Variants in LCLAT1 observed in about 807,000 individuals in gnomAD.
LCLAT1 encodes 1-AGP acyltransferase 8.
Under a neutral mutation model 30.7 loss-of-function variants are expected in LCLAT1, and 11 were observed. The observed-to-expected ratio is 0.36, with a 90% CI of 0.23 to 0.59. LCLAT1 has a LOEUF of 0.59. Ranked by LOEUF, LCLAT1 falls within the 20% of genes least tolerant of loss-of-function variation. The pLI, the probability that LCLAT1 is intolerant of heterozygous loss-of-function variation, is 0.77. For synonymous variants in LCLAT1, 155 were observed against 151.3 expected, an observed-to-expected ratio of 1.02 and a Z score of -0.18; for missense variants, 402 against 458.6, an observed-to-expected ratio of 0.88 and a Z score of 1.13.
At chr2:30,448,593 T>C (rs1039359289) in intron 1 of LCLAT1, among the ~76,000 whole-genome samples, 7 of 152,230 alleles carry the variant, frequency 4.6e-5, no homozygotes, top group African/African-American at 9.6e-5. Context: ...TATGTGTCAG[T>C]TTCTGTGAAA....
intron 5 of LCLAT1, among the ~76,000 whole-genome samples, chr2:30,599,814 C>T (rs1157354064): frequency 6.6e-6 from 1 of 152,150 alleles, no homozygotes; most frequent in Non-Finnish European, 1.5e-5. Flanking sequence ...TTTCCTCCAT[C>T]CCTTTATTTT....
chr2:30,495,459 A>G (rs1463879993), intron 1 of LCLAT1, among the ~76,000 whole-genome samples: 1 of 152,202 alleles, frequency 6.6e-6, no homozygotes, highest in Non-Finnish European at 1.5e-5. Flanking sequence ...AAATGAATCA[A>G]TATAGTAATA....
chr2:30,494,200 G>A (rs1683982796), intron 1 of LCLAT1, among the ~76,000 whole-genome samples: 2 of 152,146 alleles, frequency 1.3e-5, no homozygotes, highest in South Asian at 4.1e-4. Context: ...TCCAGCCTGG[G>A]CGACAGAGTG....
At chr2:30,566,609 A>G (rs1409371891) in intron 4 of LCLAT1, among the ~76,000 whole-genome samples, 1 of 152,192 alleles carries the variant, frequency 6.6e-6, no homozygotes, top group African/African-American at 2.4e-5. Flanking sequence ...TACTCCTAGT[A>G]AAGTTGTGTC....
intron 1 of LCLAT1, among the ~76,000 whole-genome samples, chr2:30,490,553 A>G (rs1683790885): frequency 6.6e-6 from 1 of 152,092 alleles, no homozygotes. Context: ...CAAAAAAGGA[A>G]ATTTTCCTGG....
intron 5 of LCLAT1, among the ~76,000 whole-genome samples, chr2:30,598,413 TC>T (rs1667027180): frequency 6.8e-6 from 1 of 146,354 alleles, no homozygotes. Context: ...TTCTAGATTT[TC>T]TTTTTTTTTT....
chr2:30,498,180 G>T (rs2148337645), intron 1 of LCLAT1, among the ~76,000 whole-genome samples: 1 of 152,332 alleles, frequency 6.6e-6, no homozygotes, highest in Admixed American at 6.5e-5. Flanking sequence ...AGGGTTGCCA[G>T]CTATGAGGCT....
chr2:30,552,096 A>G (rs1664706368), intron 3 of LCLAT1, among the ~76,000 whole-genome samples: 1 of 152,236 alleles, frequency 6.6e-6, no homozygotes, highest in African/African-American at 2.4e-5. Context: ...GTCTTTGATT[A>G]TAGGTCCTCT....
intron 5 of LCLAT1, among the ~76,000 whole-genome samples, chr2:30,603,981 A>G (rs572314362): frequency 6.6e-6 from 1 of 152,334 alleles, no homozygotes; most frequent in Non-Finnish European, 1.5e-5. Flanking sequence ...TGTAATTGCT[A>G]CTACATAATT....
intron 1 of LCLAT1, among the ~76,000 whole-genome samples, chr2:30,525,174 G>A (rs1354814757): frequency 2.6e-5 from 4 of 151,898 alleles, no homozygotes; most frequent in African/African-American, 4.8e-5. Context: ...GTGCGATCTT[G>A]GCTCACTGTA....
intron 1 of LCLAT1, among the ~76,000 whole-genome samples, chr2:30,507,675 G>T (rs1684736628): frequency 1.3e-5 from 2 of 152,268 alleles, no homozygotes; most frequent in Non-Finnish European, 2.9e-5. Context: ...GTATTCCCTG[G>T]TGTATTTGTA....
At chr2:30,474,756 C>G (rs1479586610) in intron 1 of LCLAT1, among the ~76,000 whole-genome samples, 1 of 147,700 alleles carries the variant, frequency 6.8e-6, no homozygotes, top group Non-Finnish European at 1.5e-5. Flanking sequence ...TCAAGTGATC[C>G]TCCTGGCACA....
intron 5 of LCLAT1, among the ~76,000 whole-genome samples, chr2:30,571,952 G>A (rs1267800298): frequency 6.6e-6 from 1 of 152,168 alleles, no homozygotes; most frequent in Non-Finnish European, 1.5e-5. Flanking sequence ...ACCTAAATGA[G>A]ATTTGTACAC....
chr2:30,482,166 G>C (rs1683353102), intron 1 of LCLAT1, among the ~76,000 whole-genome samples: 1 of 152,188 alleles, frequency 6.6e-6, no homozygotes, highest in South Asian at 2.1e-4. Context: ...ACAGTGTTCA[G>C]TAAGACAGAC....
Position 30,640,242 on chromosome 2 carries a change from A to G in LCLAT1, c.754A>G (p.Ile252Val), listed in dbSNP as rs12471868. Residue 252 changes from isoleucine to valine, a missense_variant, in exon 6 of 6, where the codon ATA becomes GTA. By Grantham distance (29) the Ile-to-Val change is conservative. Transcript: ENST00000379509. ...EIHFHVHRYP[I>V]DTLPTSKEDL... ...CCACTTTCACGTCCACCGGTATCCA[A>G]TAGACACCCTCCCCACATCCAAGGA... 0.14 allele frequency: 228,611 copies of G among 1,613,684 alleles called. 17,771 individuals carry two copies. Among genetic ancestry groups the G allele is most frequent in the Admixed American group, 0.24 (14,674 of 59,972 alleles).
chr2:30,619,039 A>G (rs1471813356), intron 5 of LCLAT1, among the ~76,000 whole-genome samples: 1 of 152,158 alleles, frequency 6.6e-6, no homozygotes, highest in Non-Finnish European at 1.5e-5. Context: ...GTTATTTTAG[A>G]CATGAGGAAT....
At chr2:30,527,101 A>G (rs988565868) in intron 2 of LCLAT1, among the ~76,000 whole-genome samples, 2 of 152,188 alleles carry the variant, frequency 1.3e-5, no homozygotes, top group Non-Finnish European at 2.9e-5. Flanking sequence ...TGTAATATTA[A>G]TCATCACAAG....
chr2:30,616,819 T>C (rs1268073850), intron 5 of LCLAT1, among the ~76,000 whole-genome samples: 3 of 151,980 alleles, frequency 2.0e-5, no homozygotes, highest in African/African-American at 7.2e-5. Context: ...AGATCCTGTT[T>C]CAAATAAAAT....
intron 1 of LCLAT1, among the ~76,000 whole-genome samples, chr2:30,509,308 A>G (rs1182569844): frequency 6.6e-6 from 1 of 152,174 alleles, no homozygotes; most frequent in Non-Finnish European, 1.5e-5. Flanking sequence ...TCTATGTTGA[A>G]TAGGAGTAGT....
Sources: gnomAD v4.1 joint callset for allele counts (sites outside exome capture counted in the v4.1 genomes callset) on GRCh38, gnomAD v4.1.1 for gene constraint, MANE v1.5 for transcripts, NCBI Gene and HGNC (gene_info 2026-07-23, HGNC 2026-07-21) for gene names.